Variants in SMARCD3 observed in about 807,000 individuals in gnomAD.
The protein encoded by SMARCD3 is SWI/SNF related BAF chromatin remodeling complex subunit D3, also known as SWI/SNF-related matrix-associated actin-dependent regulator of chromatin subfamily D member 3.
SMARCD3 carries 14 observed loss-of-function variants against 58.0 expected under a neutral mutation model. The ratio of observed to expected loss-of-function variants is 0.24; its 90% CI spans 0.16 to 0.38. SMARCD3 has a LOEUF of 0.38. SMARCD3 is among the 10% of genes least tolerant of loss of function. The pLI is 1.00. For synonymous variants in SMARCD3, 253 were observed against 253.8 expected, an observed-to-expected ratio of 1.00 and a Z score of 0.03; for missense variants, 408 against 636.9, an observed-to-expected ratio of 0.64 and a Z score of 3.87.
Position 151,240,396 on chromosome 7 carries a change from G to C in SMARCD3, c.1037+29C>G, listed in dbSNP as rs746515089. 5.5e-5 allele frequency: 87 copies of C among 1,595,170 alleles called. 1 individual carries two copies. Among genetic ancestry groups the C allele is most frequent in the Non-Finnish European group, 5.9e-5 (69 of 1,163,678 alleles). On this transcript the variant is annotated intron_variant, in intron 9 of 12. Coordinates refer to ENST00000262188, the MANE Select transcript of SMARCD3 (RefSeq NM_001003801.2). The stretch of plus-strand genomic sequence containing the variant: ...AAGGCAGGAACGAGATCATTCCCTG[G>C]TCTGAGAAGCAAGCTGGGGCCACCT...
chr7:151,248,542 G>A lies in SMARCD3; in HGVS notation c.21C>T (p.Ala7=). The change falls in exon 1 of 13, where the codon GCC becomes GCT. Residue 7 remains alanine (A), a synonymous_variant. Coordinates refer to ENST00000262188, the MANE Select transcript of SMARCD3 (RefSeq NM_001003801.2). The surrounding 1 kb of genome is among the most constrained non-coding windows in gnomAD (Gnocchi z 6.1). ...TTTTCGTGGCTTTGCGCGCCCCTCC[G>A]GCAACTTCGTCCGCGGCCATCGGGG... MAADEV[A]GGARKATKSK... is the part of the protein sequence containing the mutation. The A allele has an allele frequency of 1.2e-6, 2 of 1,613,576 alleles. No individual in the cohort carries two copies. The highest frequency in any genetic ancestry group is 8.5e-7 in the Non-Finnish European group (1 of 1,179,720).
chr7:151,247,800 C>A (rs1803343291), intron 1 of SMARCD3, among the ~76,000 whole-genome samples: 1 of 152,106 alleles, frequency 6.6e-6, no homozygotes, highest in Admixed American at 6.5e-5. Flanking sequence ...CCTGTCCCTT[C>A]GGTCTCTAGG....
At chr7:151,250,318 A>G (rs1217850649), upstream of SMARCD3, among the ~76,000 whole-genome samples, 1 of 151,906 alleles carries the variant, frequency 6.6e-6, no homozygotes, top group East Asian at 2.0e-4. Flanking sequence ...CCAGGGCTTT[A>G]GCCTAGACTA....
At chr7:151,253,138 G>A (rs940726963), upstream of SMARCD3, among the ~76,000 whole-genome samples, 7 of 152,170 alleles carry the variant, frequency 4.6e-5, no homozygotes, top group Admixed American at 2.0e-4. Context: ...AAGGCAGACT[G>A]GGAGGAAGGA....
chr7:151,249,428 C>G (rs1803436723), upstream of SMARCD3: 1 of 152,292 alleles, frequency 6.6e-6, no homozygotes, highest in Non-Finnish European at 1.5e-5. The surrounding 1 kb of genome is among the most constrained non-coding windows in gnomAD (Gnocchi z 4.8). Flanking sequence ...AGGACATGGC[C>G]TGTGCCTTTC....
At position 151,248,392 on chromosome 7, in the gene SMARCD3, G is replaced by A. The variant is rs1393185392; in HGVS notation, c.78+93C>T. ...GACGCCCCCCACTAGAGGGGTGGGA[G>A]AGCGGGAGCGCCCTCCCGGCCCCTC... On this transcript the variant is annotated intron_variant, in intron 1 of 12. Coordinates refer to ENST00000262188, the MANE Select transcript of SMARCD3 (RefSeq NM_001003801.2). The surrounding 1 kb of genome is among the most constrained non-coding windows in gnomAD (Gnocchi z 6.1). 6 of 1,104,552 alleles carry A rather than the reference G, an allele frequency of 5.4e-6. No homozygotes were observed. The highest frequency in any genetic ancestry group is 6.8e-6 in the Non-Finnish European group (5 of 733,786). The allele number at this position is 1,104,552 out of a possible 1,614,324, so 68.4% of individuals were successfully genotyped here.
rs1156424477 is a variant in SMARCD3 at position 151,239,132 on chromosome 7, C to G, written c.1423G>C (p.Glu475Gln). 6.2e-7 allele frequency: 1 copy of G among 1,614,172 alleles called. No homozygotes were observed. Among genetic ancestry groups the G allele is most frequent in the Non-Finnish European group, 8.5e-7 (1 of 1,180,030 alleles). The change falls in exon 13 of 13, where the codon GAG becomes CAG. Residue 475 changes from glutamate (E) to glutamine (Q), a missense_variant. By Grantham distance (29) the Glu-to-Gln change is conservative. Around this residue, in one of 4 missense-constraint regions of SMARCD3, gnomAD observed 81 missense variants for 109.7 expected, o/e 0.74. Coordinates refer to ENST00000262188, the MANE Select transcript of SMARCD3 (RefSeq NM_001003801.2). This position sits in a 1 kb window ranked among gnomAD's most constrained non-coding sequence, Gnocchi z 7.0. Reference sequence around the variant, plus strand: ...GTGTTGCGCACAACCAGCGACTGCTCCAGCTCCTGCCTGCGCTGCTGGATC... The same window carrying G: ...GTGTTGCGCACAACCAGCGACTGCTGCAGCTCCTGCCTGCGCTGCTGGATC... ...CKIQQRRQEL[E>Q]QSLVVRNT
At chr7:151,253,035 C>T (rs991309819), upstream of SMARCD3, among the ~76,000 whole-genome samples, 1 of 152,214 alleles carries the variant, frequency 6.6e-6, no homozygotes, top group Non-Finnish European at 1.5e-5. Context: ...CCCTCAGTGT[C>T]CTCAGAAGTG....
At chr7:151,255,874 C>T (rs1803682676) in intron 2 of SMARCD3, among the ~76,000 whole-genome samples, 1 of 151,366 alleles carries the variant, frequency 6.6e-6, no homozygotes, top group Non-Finnish European at 1.5e-5. Context: ...TTTAACCTCC[C>T]TTGCATGTAC....
intron 2 of SMARCD3, among the ~76,000 whole-genome samples, chr7:151,244,303 C>A: frequency 6.6e-6 from 1 of 152,144 alleles, no homozygotes. Context: ...CAGCCATAGG[C>A]GCCCAGAATG....
chr7:151,245,469 C>T lies in SMARCD3; in HGVS notation c.281G>A (p.Arg94Gln). 1 of 1,218,068 alleles carries T rather than the reference C, an allele frequency of 8.2e-7. No homozygotes were observed. Among genetic ancestry groups the T allele is most frequent in the East Asian group, 3.2e-5 (1 of 31,222 alleles). 75.5% of individuals were successfully genotyped at this position (1,218,068 alleles called of 1,614,324 possible). A position where few individuals can be genotyped will look rare whatever the true frequency, so the allele number is the denominator to read the frequency against. The change falls in exon 2 of 13, where the codon CGG becomes CAG. Residue 94 changes from arginine (R) to glutamine (Q), a missense_variant. Transcript: ENST00000262188. This position sits in a 1 kb window ranked among gnomAD's most constrained non-coding sequence, Gnocchi z 6.2. ...CGGGCCTCCCACTCACCTGCGGCTC[C>T]GCGCGGGGGCGGTGGGCACCGGCTG... The part of the protein sequence containing the change: ...QGQPVPTAPA[R>Q]SRSAKRRKMA...
intron 2 of SMARCD3, among the ~76,000 whole-genome samples, chr7:151,260,781 T>G (rs748962233): frequency 3.3e-5 from 5 of 152,098 alleles, no homozygotes; most frequent in Non-Finnish European, 7.4e-5. Context: ...AACTGGCCCT[T>G]AAGAGGGGTA....
At chr7:151,277,119 C>T (rs1248753679), upstream of SMARCD3, 1 of 150,690 alleles carries the variant, frequency 6.6e-6, no homozygotes, top group Non-Finnish European at 1.5e-5. Context: ...CCGCCCGCTC[C>T]CTGCTCGGCG....
intron 2 of SMARCD3, among the ~76,000 whole-genome samples, chr7:151,260,762 G>A (rs1411795702): frequency 6.6e-6 from 1 of 152,174 alleles, no homozygotes; most frequent in Non-Finnish European, 1.5e-5. Context: ...TGGAGAACTT[G>A]GAGGATCCAA....
At chr7:151,263,617 C>T (rs1269834030) in intron 2 of SMARCD3, among the ~76,000 whole-genome samples, 1 of 152,176 alleles carries the variant, frequency 6.6e-6, no homozygotes, top group Non-Finnish European at 1.5e-5. Context: ...CTTCTTCTCC[C>T]TTGGCCCTCC....
chr7:151,274,684 G>C (rs1795285921), intron 2 of SMARCD3, among the ~76,000 whole-genome samples: 1 of 152,242 alleles, frequency 6.6e-6, no homozygotes, highest in Non-Finnish European at 1.5e-5. Flanking sequence ...GTGTGCATGT[G>C]AGCATGTGCA....
chr7:151,254,957 C>T (rs1280861484), intron 2 of SMARCD3, among the ~76,000 whole-genome samples: 1 of 152,208 alleles, frequency 6.6e-6, no homozygotes, highest in Non-Finnish European at 1.5e-5. Context: ...AATCAAATGG[C>T]AGCGGGCAGT....
At chr7:151,272,114 T>C (rs1416137340) in intron 2 of SMARCD3, among the ~76,000 whole-genome samples, 3 of 152,232 alleles carry the variant, frequency 2.0e-5, no homozygotes, top group African/African-American at 7.2e-5. Context: ...GTTGTGACAT[T>C]GTTGAGAACA....
At chr7:151,249,983 T>A (rs568531217), upstream of SMARCD3, among the ~76,000 whole-genome samples, 4 of 151,600 alleles carry the variant, frequency 2.6e-5, no homozygotes, top group Admixed American at 1.3e-4. This position sits in a 1 kb window ranked among gnomAD's most constrained non-coding sequence, Gnocchi z 4.8. Context: ...AGTTTGGGGG[T>A]CTGCTGGGGC....
Sources: allele counts gnomAD v4.1 joint callset (sites outside exome capture counted in the v4.1 genomes callset), GRCh38; gene constraint gnomAD v4.1.1; regional missense constraint gnomAD v4.1.1; non-coding constraint Gnocchi (gnomAD v3.1); transcripts MANE v1.5; gene names NCBI Gene and HGNC (gene_info 2026-07-23, HGNC 2026-07-21).